The following STAG1 variants were observed in gnomAD, a reference collection of about 807,000 sequenced individuals.
STAG1 encodes STAG1 cohesin complex component.
STAG1 carries 26 observed loss-of-function variants against 170.9 expected under a neutral mutation model. The ratio of observed to expected loss-of-function variants is 0.15; its 90% CI spans 0.11 to 0.21. STAG1 has a LOEUF of 0.21. Ranked by LOEUF, STAG1 falls within the 10% of genes least tolerant of loss-of-function variation. The probability of loss-of-function intolerance (pLI) is 1.00; values close to 1 mark genes in which losing one functional copy is unlikely to be tolerated. For synonymous variants in STAG1, 514 were observed against 497.7 expected (o/e 1.03, Z -0.44); for missense variants, 964 against 1,509.5 (o/e 0.64, Z 5.99).
intron 26 of STAG1, among the ~76,000 whole-genome samples, chr3:136,362,749 T>C (rs900535353): frequency 6.6e-6 from 1 of 152,084 alleles, no homozygotes; most frequent in African/African-American, 2.4e-5. Context: ...TGTCCTTTTA[T>C]ATATAAACCA....
Position 136,644,950 on chromosome 3 carries a change from G to A in STAG1, c.-83-13969C>T, listed in dbSNP as rs1048160403. 5.9e-5 allele frequency among the ~76,000 whole-genome samples: 9 copies of A among 151,932 alleles called. No homozygotes were observed. The East Asian group carries it at 7.7e-4, about 13-fold the overall frequency. On this transcript the variant is annotated intron_variant, in intron 1 of 33. Transcript: ENST00000383202. Reference sequence around the variant, plus strand: ...TCGCCATATTGCCCAGGCTGGTGTCGAACTGCTGAATTCAAGCAATCCTCC... The same window carrying A: ...TCGCCATATTGCCCAGGCTGGTGTCAAACTGCTGAATTCAAGCAATCCTCC...
intron 5 of STAG1, among the ~76,000 whole-genome samples, chr3:136,545,852 A>C (rs182930004): frequency 6.6e-6 from 1 of 152,150 alleles, no homozygotes; most frequent in Non-Finnish European, 1.5e-5. Flanking sequence ...CCTTCACTTT[A>C]TAACAGTCCT....
intron 1 of STAG1, among the ~76,000 whole-genome samples, chr3:136,688,009 T>TTAC (rs1942594803): frequency 6.6e-6 from 1 of 152,200 alleles, no homozygotes; most frequent in Non-Finnish European, 1.5e-5. Flanking sequence ...AGTGCTGGGA[T>TTAC]TACAGGCATG....
At chr3:136,656,605 CTCTG>C (rs1435933179) in intron 1 of STAG1, among the ~76,000 whole-genome samples, 9 of 78,524 alleles carry the variant, frequency 1.1e-4, no homozygotes, top group African/African-American at 6.7e-4. Flanking sequence ...AACGTGTGCT[CTCTG>C]TATTTATTTG....
chr3:136,690,204 T>A (rs1472534693), intron 1 of STAG1, among the ~76,000 whole-genome samples: 2 of 152,082 alleles, frequency 1.3e-5, no homozygotes, highest in African/African-American at 4.8e-5. Flanking sequence ...GGTCAACTCC[T>A]CCAGTGGAAA....
At chr3:136,489,766 G>C (rs952408294) in intron 9 of STAG1, among the ~76,000 whole-genome samples, 3 of 152,160 alleles carry the variant, frequency 2.0e-5, no homozygotes, top group African/African-American at 7.2e-5. Flanking sequence ...TCCTTTATTA[G>C]ACTAAGAACT....
intron 1 of STAG1, among the ~76,000 whole-genome samples, chr3:136,690,190 C>T (rs1457522055): frequency 6.6e-6 from 1 of 151,332 alleles, no homozygotes; most frequent in Admixed American, 6.6e-5. Context: ...AAGTCTCGTA[C>T]AAGGGTCAAC....
At chr3:136,669,905 T>A (rs973394098) in intron 1 of STAG1, among the ~76,000 whole-genome samples, 6 of 152,262 alleles carry the variant, frequency 3.9e-5, no homozygotes, top group Non-Finnish European at 7.3e-5. Flanking sequence ...TTACTCCATA[T>A]ACCATAATAG....
intron 15 of STAG1, among the ~76,000 whole-genome samples, chr3:136,435,460 T>C (rs2088432134): frequency 6.6e-6 from 1 of 152,168 alleles, no homozygotes; most frequent in Non-Finnish European, 1.5e-5. Flanking sequence ...CTTAGAATTC[T>C]ACATAAACTT....
chr3:136,452,672 G>A lies in STAG1; in HGVS notation c.1314-525C>T, dbSNP rs554851113. Reference sequence around the variant, plus strand: ...GAACAATGTCCTACAGGTTAAACTAGATATAAAATGTAAAGGGAAACTTTT... The same window carrying A: ...GAACAATGTCCTACAGGTTAAACTAAATATAAAATGTAAAGGGAAACTTTT... On this transcript the variant is annotated intron_variant, in intron 13 of 33. Coordinates refer to ENST00000383202, the MANE Select transcript of STAG1 (RefSeq NM_005862.3). Among the ~76,000 whole-genome samples the A allele has an allele frequency of 4.6e-5, 7 of 152,194 alleles. No homozygotes were observed. In the East Asian group the frequency reaches 1.4e-3, roughly 29 times the overall value.
At chr3:136,703,490 T>C (rs1401249573) in intron 1 of STAG1, among the ~76,000 whole-genome samples, 5 of 152,168 alleles carry the variant, frequency 3.3e-5, no homozygotes, top group Non-Finnish European at 5.9e-5. Context: ...TTCAATCCCA[T>C]TGAGCTAAAG....
At chr3:136,655,606 T>C (rs1432658286) in intron 1 of STAG1, among the ~76,000 whole-genome samples, 9 of 152,016 alleles carry the variant, frequency 5.9e-5, no homozygotes, top group Admixed American at 5.9e-4. Flanking sequence ...CTACTAAAAA[T>C]ATAAAAATTA....
chr3:136,465,557 T>TA (rs1206639742), intron 12 of STAG1, among the ~76,000 whole-genome samples: 1 of 15,834 alleles, frequency 6.3e-5, no homozygotes, highest in African/African-American at 2.4e-4. Context: ...GACTCTTGCC[T>TA]CAAAAAAAAA....
intron 7 of STAG1, among the ~76,000 whole-genome samples, chr3:136,507,319 G>C (rs747496102): frequency 2.6e-5 from 4 of 152,176 alleles, no homozygotes; most frequent in African/African-American, 9.7e-5. Flanking sequence ...TTGAAGGTCA[G>C]AGACAGGGGT....
intron 28 of STAG1, among the ~76,000 whole-genome samples, chr3:136,357,132 T>C (rs1396544629): frequency 6.6e-6 from 1 of 151,978 alleles, no homozygotes; most frequent in African/African-American, 2.4e-5. Flanking sequence ...GTATTTTTAG[T>C]AGAGACGGGG....
chr3:136,568,893 CA>C, intron 4 of STAG1, 32 bp from the exon 5 acceptor site: 3 of 1,516,886 alleles, frequency 2.0e-6, no homozygotes, highest in South Asian at 1.2e-5. Flanking sequence ...ATGAAAACTT[CA>C]AAAAAATTTG....
chr3:136,458,582 A>C (rs2107787729), intron 13 of STAG1, among the ~76,000 whole-genome samples: 1 of 152,350 alleles, frequency 6.6e-6, no homozygotes, highest in Non-Finnish European at 1.5e-5. Context: ...GATAACTAAA[A>C]GGAAGACAGT....
At chr3:136,578,357 C>A (rs1334318285) in intron 4 of STAG1, among the ~76,000 whole-genome samples, 3 of 152,144 alleles carry the variant, frequency 2.0e-5, no homozygotes, top group Non-Finnish European at 1.5e-5. Flanking sequence ...ATTACCAGTA[C>A]CCCTAGGAAC....
intron 1 of STAG1, among the ~76,000 whole-genome samples, chr3:136,675,378 T>C (rs941805763): frequency 2.0e-5 from 3 of 152,180 alleles, no homozygotes; most frequent in Non-Finnish European, 2.9e-5. Context: ...GAGACATCTG[T>C]CCTGATACCA....
Sources: gnomAD v4.1 joint callset for allele counts (sites outside exome capture counted in the v4.1 genomes callset) on GRCh38, gnomAD v4.1.1 for gene constraint, MANE v1.5 for transcripts, NCBI Gene and HGNC (gene_info 2026-07-23, HGNC 2026-07-21) for gene names.